The following ANKRD44 variants were observed in gnomAD, a reference collection of about 807,000 sequenced individuals.
ANKRD44 encodes the protein ankyrin repeat domain 44.
In ANKRD44, 35 loss-of-function variants were observed where a neutral mutation model predicts 116.0. The observed-to-expected ratio is 0.30, with a 90% confidence interval of 0.23 to 0.40. The LOEUF (loss-of-function observed/expected upper bound fraction) is 0.40. Ranked by LOEUF, ANKRD44 falls within the 10% of genes least tolerant of loss-of-function variation. The pLI is 1.00. For synonymous variants in ANKRD44, 435 were observed against 461.8 expected, an observed-to-expected ratio of 0.94 and a Z score of 0.74; for missense variants, 1,014 against 1,242.6, an observed-to-expected ratio of 0.82 and a Z score of 2.77.
At chr2:197,111,834 C>G (rs1016024537) in intron 8 of ANKRD44, among the ~76,000 whole-genome samples, 1 of 151,984 alleles carries the variant, frequency 6.6e-6, no homozygotes. Context: ...GAATCTCTTA[C>G]TTTACTTAAC....
chr2:197,172,216 G>T (rs1252135696), intron 2 of ANKRD44, among the ~76,000 whole-genome samples: 1 of 151,974 alleles, frequency 6.6e-6, no homozygotes, highest in Non-Finnish European at 1.5e-5. Flanking sequence ...TGGCCAGGCT[G>T]GTCTAGAACT....
chr2:197,270,096 C>A (rs190329430), intron 1 of ANKRD44, among the ~76,000 whole-genome samples: 7 of 152,272 alleles, frequency 4.6e-5, no homozygotes, highest in Admixed American at 4.6e-4. Context: ...AATGCCCCTC[C>A]CACATTTCCA....
chr2:197,172,917 C>T (rs2697246), intron 2 of ANKRD44, among the ~76,000 whole-genome samples: 31,906 of 152,032 alleles, frequency 0.21, 4,180 homozygotes, highest in African/African-American at 0.36. Context: ...ACCAGGAACA[C>T]GGTAGATGCT....
intron 2 of ANKRD44, among the ~76,000 whole-genome samples, chr2:197,155,806 T>C (rs993012373): frequency 6.6e-6 from 1 of 152,178 alleles, no homozygotes; most frequent in African/African-American, 2.4e-5. Flanking sequence ...AAAGGATAAA[T>C]TGGTAAATGG....
At chr2:197,143,235 A>G (rs996239038) in intron 3 of ANKRD44, among the ~76,000 whole-genome samples, 1 of 148,542 alleles carries the variant, frequency 6.7e-6, no homozygotes, top group Non-Finnish European at 1.5e-5. Context: ...GTTTTAGGGT[A>G]CATGTGCACA....
At chr2:196,970,534 T>A (rs563480942) in intron 21 of ANKRD44, among the ~76,000 whole-genome samples, 1 of 152,282 alleles carries the variant, frequency 6.6e-6, no homozygotes, top group Non-Finnish European at 1.5e-5. Flanking sequence ...CTATGGAGCT[T>A]AGAACTGGTT....
intron 16 of ANKRD44, among the ~76,000 whole-genome samples, chr2:197,034,746 G>C (rs941682856): frequency 6.6e-6 from 1 of 151,820 alleles, no homozygotes; most frequent in Non-Finnish European, 1.5e-5. Flanking sequence ...GATTCTGTTT[G>C]GGTGAAAAAT....
intron 1 of ANKRD44, among the ~76,000 whole-genome samples, chr2:197,294,425 C>G (rs79546759): frequency 0.019 from 2,833 of 152,192 alleles, 96 homozygotes; most frequent in African/African-American, 0.062. Flanking sequence ...CCATCTTCAT[C>G]CAAGATCAAA....
At chr2:197,169,568 TC>T (rs1215008218) in intron 2 of ANKRD44, among the ~76,000 whole-genome samples, 6 of 152,118 alleles carry the variant, frequency 3.9e-5, no homozygotes, top group African/African-American at 1.4e-4. Context: ...CCTACTCCAC[TC>T]CCACCTCCAG....
chr2:197,056,826 GGAAA>G lies in ANKRD44; in HGVS notation c.1650+21873_1650+21876del, dbSNP rs2077212647. 3.3e-5 allele frequency among the ~76,000 whole-genome samples: 5 copies of G among 152,136 alleles called. No individual in the cohort carries two copies. The South Asian group carries it at 1.0e-3, about 32-fold the overall frequency. On this transcript the variant is annotated intron_variant, in intron 16 of 27. Coordinates refer to ENST00000282272, the MANE Select transcript of ANKRD44 (RefSeq NM_001195144.2). ...GTTTTGTGTAAGATATGAAGTAGAA[GGAAA>G]GATTTATTTCTCCTATATGCATATT... is the stretch of plus-strand genomic sequence containing the variant.
At chr2:197,237,137 C>T (rs192019452) in intron 1 of ANKRD44, among the ~76,000 whole-genome samples, 219 of 152,172 alleles carry the variant, frequency 1.4e-3, no homozygotes, top group African/African-American at 5.2e-3. Context: ...GTATAATAGC[C>T]GACTGTATTA....
chr2:197,217,608 T>G (rs957544025), intron 1 of ANKRD44, among the ~76,000 whole-genome samples: 12 of 152,322 alleles, frequency 7.9e-5, no homozygotes, highest in Admixed American at 7.8e-4. Context: ...CAGGAAAATG[T>G]CTGGGCAACA....
intron 1 of ANKRD44, among the ~76,000 whole-genome samples, chr2:197,310,044 C>G (rs962388409): frequency 6.6e-6 from 1 of 152,218 alleles, no homozygotes; most frequent in African/African-American, 2.4e-5. Flanking sequence ...CCGCACCACG[C>G]ACACAGCCTG....
At chr2:197,264,426 G>T (rs900739945) in intron 1 of ANKRD44, among the ~76,000 whole-genome samples, 1 of 152,122 alleles carries the variant, frequency 6.6e-6, no homozygotes, top group Admixed American at 6.5e-5. Context: ...CATTCCTTAC[G>T]CAGAAAGCAT....
At chr2:197,179,873 A>C (rs978291175) in intron 2 of ANKRD44, among the ~76,000 whole-genome samples, 12 of 152,186 alleles carry the variant, frequency 7.9e-5, no homozygotes, top group Non-Finnish European at 4.4e-5. Context: ...CATTCTTTAC[A>C]GGGTATAGGT....
intron 1 of ANKRD44, among the ~76,000 whole-genome samples, chr2:197,254,738 A>G (rs2082405945): frequency 6.7e-6 from 1 of 148,186 alleles, no homozygotes; most frequent in Non-Finnish European, 1.5e-5. Context: ...ATGTGTGTAT[A>G]GACACACATA....
rs980221189 is a variant in ANKRD44, at chr2:197,201,257, G to T, written c.28-14151C>A. On this transcript the variant is annotated intron_variant, in intron 1 of 27. Coordinates refer to ENST00000282272, the MANE Select transcript of ANKRD44 (RefSeq NM_001195144.2). The surrounding 1 kb of genome is among the most constrained non-coding windows in gnomAD (Gnocchi z 4.0). ...TGTTCATGTGAAGGGCACGTGTGAA[G>T]ACATAATCTTGACAGTCATATTACA... 3.3e-5 allele frequency among the ~76,000 whole-genome samples: 5 copies of T among 152,364 alleles called. No homozygotes were observed. Among genetic ancestry groups the T allele is most frequent in the Admixed American group, 6.5e-5 (1 of 15,306 alleles).
At chr2:197,128,811 T>C (rs1183621048) in intron 4 of ANKRD44, among the ~76,000 whole-genome samples, 1 of 152,190 alleles carries the variant, frequency 6.6e-6, no homozygotes, top group Non-Finnish European at 1.5e-5. Context: ...AAAAGTTTCT[T>C]TAACAGTGTT....
chr2:197,001,814 A>G lies in ANKRD44; in HGVS notation c.2374T>C (p.Leu792=). ...NGNENCIEVL[L]EQKCFRKFIG... ...AATTTGCGAAAACATTTTTGCTCCAAAAGTACCTCTATACAGTTTTCATTA... is the reference window on the plus strand; with the variant it reads ...AATTTGCGAAAACATTTTTGCTCCAGAAGTACCTCTATACAGTTTTCATTA... The change falls in exon 22 of 28, where the codon TTG becomes CTG. Residue 792 remains leucine (L), a synonymous_variant. Coordinates refer to ENST00000282272, the MANE Select transcript of ANKRD44 (RefSeq NM_001195144.2). The G allele has an allele frequency of 4.3e-6, 7 of 1,613,484 alleles. No individual in the cohort carries two copies. Among genetic ancestry groups the G allele is most frequent in the East Asian group, 4.5e-5 (2 of 44,842 alleles).
Sources: allele counts gnomAD v4.1 joint callset (sites outside exome capture counted in the v4.1 genomes callset), GRCh38; gene constraint gnomAD v4.1.1; non-coding constraint Gnocchi (gnomAD v3.1); transcripts MANE v1.5; gene names NCBI Gene and HGNC (gene_info 2026-07-23, HGNC 2026-07-21).